The following ICA1 variants were observed in gnomAD, a reference collection of about 807,000 sequenced individuals.
The protein encoded by ICA1 is islet cell autoantigen 1.
A neutral mutation model predicts 71.0 loss-of-function variants in ICA1; 40 were observed. That is an observed-to-expected ratio of 0.56 (90% CI 0.44 to 0.73). The LOEUF (loss-of-function observed/expected upper bound fraction) is 0.73, where lower values mean the gene tolerates loss of function less well. ICA1 is among the 30% of genes least tolerant of loss of function. The pLI, the probability that ICA1 is intolerant of heterozygous loss-of-function variation, is 0.00. For synonymous variants in ICA1, 207 were observed against 209.5 expected (o/e 0.99, Z 0.10); for missense variants, 578 against 576.5 (o/e 1.00, Z -0.03).
intron 8 of ICA1, among the ~76,000 whole-genome samples, chr7:8,150,624 T>C (rs1798471464): frequency 4.6e-5 from 7 of 152,230 alleles, no homozygotes; most frequent in Non-Finnish European, 1.0e-4. Flanking sequence ...CCAGCCAGCA[T>C]GTAGTGACCT....
At chr7:8,183,302 T>C (rs988543880) in intron 6 of ICA1, among the ~76,000 whole-genome samples, 4 of 152,160 alleles carry the variant, frequency 2.6e-5, no homozygotes, top group Admixed American at 2.0e-4. Flanking sequence ...GAGGACTTTT[T>C]CCCCAGATAT....
At chr7:8,116,475 T>C (rs1449617154) in intron 13 of ICA1, 1 of 152,218 alleles carries the variant, frequency 6.6e-6, no homozygotes, top group Non-Finnish European at 1.5e-5. Context: ...ATAGGAGATA[T>C]GCATCATCGA....
At chr7:8,235,798 C>G in intron 2 of ICA1, 112 bp downstream of exon 2, 6 of 1,140,412 alleles carry the variant, frequency 5.3e-6, no homozygotes, top group Non-Finnish European at 7.9e-6. Context: ...TGAGGGCTAA[C>G]ATGATACTTA....
intron 8 of ICA1, chr7:8,156,553 C>A: frequency 3.8e-6 from 1 of 260,652 alleles, no homozygotes; most frequent in Non-Finnish European, 7.2e-6. Flanking sequence ...GCACGTATCC[C>A]TACTGAGATG....
intron 6 of ICA1, among the ~76,000 whole-genome samples, chr7:8,186,570 A>T (rs911982835): frequency 1.3e-5 from 2 of 152,200 alleles, no homozygotes; most frequent in Non-Finnish European, 2.9e-5. Flanking sequence ...CAGGGGATGG[A>T]TGACAGAGAG....
At chr7:8,167,808 G>C (rs1806652002) in intron 6 of ICA1, among the ~76,000 whole-genome samples, 1 of 152,124 alleles carries the variant, frequency 6.6e-6, no homozygotes, top group Non-Finnish European at 1.5e-5. Context: ...GGCTAATTCA[G>C]TGAACGGCAC....
In ICA1 at chr7:8,125,289, C is replaced by T. The variant is rs553428447; in HGVS notation, c.1330+2584G>A. Among the ~76,000 whole-genome samples, 328 of 152,336 alleles carry T rather than the reference C, an allele frequency of 2.2e-3. 1 individual carries two copies. Among genetic ancestry groups the T allele is most frequent in the African/African-American group, 7.2e-3 (300 of 41,574 alleles). On this transcript the variant is annotated intron_variant, in intron 13 of 13. Transcript: ENST00000402384. Reference sequence around the variant, plus strand: ...ATGAGTCCCTGTGTGGCCTGGCCTCCGCCTCTGCATCCTCTGAGCATCCCT... The same window carrying T: ...ATGAGTCCCTGTGTGGCCTGGCCTCTGCCTCTGCATCCTCTGAGCATCCCT...
At chr7:8,213,054 C>T (rs1472537586) in intron 6 of ICA1, among the ~76,000 whole-genome samples, 2 of 152,184 alleles carry the variant, frequency 1.3e-5, no homozygotes, top group Non-Finnish European at 2.9e-5. Flanking sequence ...TGGGGTTTGG[C>T]AGCTAGAGTC....
Position 8,123,113 on chromosome 7 carries a change from T to C in ICA1, c.1330+4760A>G, listed in dbSNP as rs1408292796. Among the ~76,000 whole-genome samples the C allele has an allele frequency of 6.6e-6, 1 of 152,234 alleles. No individual in the cohort carries two copies. The highest frequency in any genetic ancestry group is 2.4e-5 in the African/African-American group (1 of 41,468). The stretch of plus-strand genomic sequence containing the variant: ...GAACCCCCACACCTTACCATGCTGA[T>C]AACTTCAGACACTCTTAGAAATCCC... On this transcript the variant is annotated intron_variant, in intron 13 of 13. Coordinates refer to ENST00000402384, the MANE Select transcript of ICA1 (RefSeq NM_001136020.3). The surrounding 1 kb of genome is among the most constrained non-coding windows in gnomAD (Gnocchi z 4.1).
At chr7:8,217,496 AAGTG>A (rs1219018010) in intron 6 of ICA1, among the ~76,000 whole-genome samples, 1 of 152,226 alleles carries the variant, frequency 6.6e-6, no homozygotes, top group Non-Finnish European at 1.5e-5. Context: ...GGATCATTTG[AAGTG>A]AGTAAGACAG....
chr7:8,160,641 T>C (rs759653587), intron 6 of ICA1, among the ~76,000 whole-genome samples: 2 of 152,238 alleles, frequency 1.3e-5, no homozygotes, highest in African/African-American at 4.8e-5. Flanking sequence ...ATACTCTGTA[T>C]GAATAGAATC....
chr7:8,132,774 G>A lies in ICA1; in HGVS notation c.1061-4632C>T, dbSNP rs1452583285. The stretch of plus-strand genomic sequence containing the variant: ...CTATAGAAGATCTTTTCTATTCTTA[G>A]GGTTCCAATGTCACCTCAGAAGGTT... On this transcript the variant is annotated intron_variant, in intron 12 of 13. Transcript: ENST00000402384. This position sits in a 1 kb window ranked among gnomAD's most constrained non-coding sequence, Gnocchi z 4.5. Among the ~76,000 whole-genome samples, 5 of 152,138 alleles carry A rather than the reference G, an allele frequency of 3.3e-5. No individual in the cohort carries two copies. Among genetic ancestry groups the A allele is most frequent in the African/African-American group, 4.8e-5 (2 of 41,416 alleles).
chr7:8,186,963 C>A (rs1372462182), intron 6 of ICA1, among the ~76,000 whole-genome samples: 1 of 152,138 alleles, frequency 6.6e-6, no homozygotes, highest in Non-Finnish European at 1.5e-5. Flanking sequence ...TAAAATTGGG[C>A]AACAAGAATG....
In ICA1 at chr7:8,172,221, T is replaced by G. The variant is rs2128235023; in HGVS notation, c.580-13569A>C. Among the ~76,000 whole-genome samples, 3 of 152,196 alleles carry G rather than the reference T, an allele frequency of 2.0e-5. No homozygotes were observed. In the Middle Eastern group the frequency reaches 0.01, roughly 518 times the overall value. On this transcript the variant is annotated intron_variant, in intron 6 of 13. Coordinates refer to ENST00000402384, the MANE Select transcript of ICA1 (RefSeq NM_001136020.3). ...TCAACTATTATTGTAGACTTGTCTATTTTTCCTTTAAGTTCTTATTCTATT... is the reference window on the plus strand; with the variant it reads ...TCAACTATTATTGTAGACTTGTCTAGTTTTCCTTTAAGTTCTTATTCTATT...
At chr7:8,163,450 A>G (rs1484711436) in intron 6 of ICA1, among the ~76,000 whole-genome samples, 1 of 152,220 alleles carries the variant, frequency 6.6e-6, no homozygotes, top group Non-Finnish European at 1.5e-5. Context: ...TCATTCAGCA[A>G]ATACTTATTG....
At chr7:8,174,411 C>T (rs1779833097) in intron 6 of ICA1, among the ~76,000 whole-genome samples, 1 of 151,986 alleles carries the variant, frequency 6.6e-6, no homozygotes, top group African/African-American at 2.4e-5. Flanking sequence ...TTATAACGAA[C>T]CTAGTGCACT....
chr7:8,188,635 G>T (rs1367544891), intron 6 of ICA1, among the ~76,000 whole-genome samples: 1 of 152,196 alleles, frequency 6.6e-6, no homozygotes, highest in Non-Finnish European at 1.5e-5. Context: ...ATATAGGACA[G>T]CAAGAGGTAG....
At chr7:8,193,373 T>C (rs150352872) in intron 6 of ICA1, among the ~76,000 whole-genome samples, 117 of 152,294 alleles carry the variant, frequency 7.7e-4, no homozygotes, top group African/African-American at 2.6e-3. Context: ...ACCACAACTG[T>C]AGCTCCGTTC....
At chr7:8,172,233 G>A (rs1808630485) in intron 6 of ICA1, among the ~76,000 whole-genome samples, 1 of 151,872 alleles carries the variant, frequency 6.6e-6, no homozygotes, top group Admixed American at 6.6e-5. Context: ...TTTCCTTTAA[G>A]TTCTTATTCT....
Sources: allele counts gnomAD v4.1 joint callset (sites outside exome capture counted in the v4.1 genomes callset), GRCh38; gene constraint gnomAD v4.1.1; non-coding constraint Gnocchi (gnomAD v3.1); transcripts MANE v1.5; gene names NCBI Gene and HGNC (gene_info 2026-07-23, HGNC 2026-07-21).